Variants in RIN2 observed in about 807,000 individuals in gnomAD.
The protein encoded by RIN2 is Ras and Rab interactor 2, also known as RAB5 interacting protein 2.
Under a neutral mutation model 78.0 loss-of-function variants are expected in RIN2, and 36 were observed. The observed-to-expected ratio is 0.46, with a 90% confidence interval of 0.35 to 0.61. RIN2 has a LOEUF of 0.61. Ranked by LOEUF, RIN2 falls within the 20% of genes least tolerant of loss-of-function variation. The pLI is 0.00. For synonymous variants in RIN2, 466 were observed against 466.8 expected (o/e 1.00, Z 0.02); for missense variants, 1,087 against 1,159.7 (o/e 0.94, Z 0.91).
At chr20:19,761,243 C>G (rs2033628541) in intron 1 of RIN2, among the ~76,000 whole-genome samples, 1 of 151,860 alleles carries the variant, frequency 6.6e-6, no homozygotes, top group Admixed American at 6.5e-5. Flanking sequence ...TCTGCCGCAG[C>G]ACAGTGGACT....
At chr20:19,822,274 TGA>T (rs1258649920) in intron 2 of RIN2, among the ~76,000 whole-genome samples, 1 of 152,170 alleles carries the variant, frequency 6.6e-6, no homozygotes, top group African/African-American at 2.4e-5. Context: ...ATCTGAACAA[TGA>T]GAGTGGCAGC....
chr20:19,958,739 C>T (rs6046487), intron 5 of RIN2, among the ~76,000 whole-genome samples: 8,086 of 152,192 alleles, frequency 0.053, 246 homozygotes, highest in African/African-American at 0.076. Context: ...CATGGTGGCA[C>T]GCACCCATAA....
chr20:19,863,526 C>G (rs1444371650), intron 2 of RIN2, among the ~76,000 whole-genome samples: 1 of 152,210 alleles, frequency 6.6e-6, no homozygotes, highest in African/African-American at 2.4e-5. Context: ...AGGGATAACT[C>G]TGAAGCTTGT....
intron 2 of RIN2, among the ~76,000 whole-genome samples, chr20:19,800,301 G>A (rs2035199889): frequency 6.6e-6 from 1 of 152,212 alleles, no homozygotes; most frequent in Non-Finnish European, 1.5e-5. Flanking sequence ...TGGGATTTCA[G>A]TATAGGCCAC....
intron 1 of RIN2, among the ~76,000 whole-genome samples, chr20:19,777,194 C>T (rs1160467549): frequency 6.6e-6 from 1 of 152,114 alleles, no homozygotes; most frequent in African/African-American, 2.4e-5. Context: ...GTGCTCAGGG[C>T]CAAAGAACAC....
intron 11 of RIN2, among the ~76,000 whole-genome samples, chr20:19,996,021 C>G (rs534833092): frequency 1.3e-5 from 2 of 152,246 alleles, no homozygotes; most frequent in South Asian, 4.1e-4. Flanking sequence ...CATAATTGCA[C>G]TTTAATAATT....
At chr20:19,853,813 C>G (rs1313127029) in intron 2 of RIN2, among the ~76,000 whole-genome samples, 1 of 152,012 alleles carries the variant, frequency 6.6e-6, no homozygotes, top group Non-Finnish European at 1.5e-5. Flanking sequence ...CAAAAATTTT[C>G]TCCCATTCTG....
chr20:19,875,474 A>T (rs1052015660), intron 2 of RIN2, among the ~76,000 whole-genome samples: 27 of 152,124 alleles, frequency 1.8e-4, no homozygotes, highest in Non-Finnish European at 3.8e-4. Flanking sequence ...CTAAATTTTT[A>T]AATTCTAAAA....
intron 3 of RIN2, among the ~76,000 whole-genome samples, chr20:19,919,258 C>T (rs1360058151): frequency 6.6e-6 from 1 of 152,146 alleles, no homozygotes; most frequent in Non-Finnish European, 1.5e-5. Context: ...TTGTAAATTC[C>T]AGGATGCTGG....
At chr20:19,768,768 G>T (rs1042472690) in intron 1 of RIN2, among the ~76,000 whole-genome samples, 1 of 151,988 alleles carries the variant, frequency 6.6e-6, no homozygotes, top group Non-Finnish European at 1.5e-5. Flanking sequence ...GGTTATGCTG[G>T]CCCACCAGAA....
chr20:19,790,394 G>T (rs1487501559), intron 1 of RIN2, among the ~76,000 whole-genome samples: 1 of 152,180 alleles, frequency 6.6e-6, no homozygotes, highest in Non-Finnish European at 1.5e-5. Flanking sequence ...ATTTGTGTAT[G>T]TGGGTTTAGG....
chr20:19,989,071 G>A lies in RIN2; in HGVS notation c.1763-935G>A, dbSNP rs1030098375. On this transcript the variant is annotated intron_variant, in intron 9 of 12. Transcript: ENST00000255006. ...TCAATGCATATTTCCTAAAAACAAG[G>A]CTATTCTGTTTAATAACTACAGTAT... Among the ~76,000 whole-genome samples the A allele has an allele frequency of 4.6e-5, 7 of 152,100 alleles. No homozygotes were observed. In the South Asian group the frequency reaches 1.5e-3, roughly 32 times the overall value.
Position 19,990,088 on chromosome 20 carries a change from C to T in RIN2, c.1845C>T (p.His615=), listed in dbSNP as rs2042746226. ...GHVEAMLKDF[H]MADGSWKQLK... ...TGGAGGCCATGCTGAAGGACTTTCACATGGCCGATGGCTCATGGAAGCAAC... is the reference window on the plus strand; with the variant it reads ...TGGAGGCCATGCTGAAGGACTTTCATATGGCCGATGGCTCATGGAAGCAAC... The change falls in exon 10 of 13, where the codon CAC becomes CAT. Residue 615 remains histidine, a synonymous_variant. Transcript: ENST00000255006. The T allele has an allele frequency of 6.3e-7, 1 of 1,598,972 alleles. No individual in the cohort carries two copies. The highest frequency in any genetic ancestry group is 8.5e-7 in the Non-Finnish European group (1 of 1,172,716).
At chr20:19,924,165 CCACCTTCATACCCA>C (rs1395735823) in intron 3 of RIN2, among the ~76,000 whole-genome samples, 3 of 93,410 alleles carry the variant, frequency 3.2e-5, no homozygotes, top group Admixed American at 1.1e-4. Flanking sequence ...CTTTATACCC[CCACCTTCATACCCA>C]CACCTTCATA....
rs779527206 is a variant in RIN2, at chr20:19,996,752, A to G, written c.2274A>G (p.Arg758=). ...ATTTCCAAGAAGAACAAGCAGCGCG[A>G]CTGCTCAGCTCAGAAACCAGAGACA... ...IKNFQEEQAA[R]LLSSETRDTL... The change falls in exon 12 of 13, where the codon CGA becomes CGG. Residue 758 remains arginine, a synonymous_variant. Transcript: ENST00000255006. The G allele has an allele frequency of 1.4e-5, 22 of 1,613,628 alleles. No individual in the cohort carries two copies. The highest frequency in any genetic ancestry group is 1.9e-5 in the Non-Finnish European group (22 of 1,179,782).
At chr20:19,786,979 T>C (rs2034697543) in intron 1 of RIN2, among the ~76,000 whole-genome samples, 1 of 152,232 alleles carries the variant, frequency 6.6e-6, no homozygotes, top group African/African-American at 2.4e-5. Flanking sequence ...GAGCTATTTA[T>C]TTTGTTTCTG....
Position 19,996,738 on chromosome 20 carries a change from G to A in RIN2, c.2260G>A (p.Glu754Lys), listed in dbSNP as rs375974979. The change falls in exon 12 of 13, where the codon GAA becomes AAA. Residue 754 changes from glutamate to lysine, a missense_variant. Glu to Lys is a moderately conservative substitution (Grantham distance 56). Coordinates refer to ENST00000255006, the MANE Select transcript of RIN2 (RefSeq NM_018993.4). ...ALSLIKNFQE[E>K]QAARLLSSET... ...TTCTCTGATAAAGAATTTCCAAGAA[G>A]AACAAGCAGCGCGACTGCTCAGCTC... is the stretch of plus-strand genomic sequence containing the variant. 1.6e-4 allele frequency: 254 copies of A among 1,613,948 alleles called. 1 individual carries two copies. Among genetic ancestry groups the A allele is most frequent in the Middle Eastern group, 1.2e-3 (7 of 6,062 alleles).
intron 2 of RIN2, among the ~76,000 whole-genome samples, chr20:19,843,106 T>A (rs1341350963): frequency 6.6e-6 from 1 of 152,174 alleles, no homozygotes; most frequent in Non-Finnish European, 1.5e-5. Flanking sequence ...AAAATTCAAA[T>A]GAATGAGGAG....
intron 2 of RIN2, among the ~76,000 whole-genome samples, chr20:19,805,243 G>A (rs57085232): frequency 0.028 from 4,307 of 152,202 alleles, 216 homozygotes; most frequent in African/African-American, 0.098. Flanking sequence ...AGTGGCATAC[G>A]GAGGGCAAAG....
Sources: allele counts gnomAD v4.1 joint callset (sites outside exome capture counted in the v4.1 genomes callset), GRCh38; gene constraint gnomAD v4.1.1; transcripts MANE v1.5; gene names NCBI Gene and HGNC (gene_info 2026-07-23, HGNC 2026-07-21).